Variants in ANKDD1A observed in about 807,000 individuals in gnomAD.
The protein encoded by ANKDD1A is ankyrin repeat and death domain-containing protein 1A.
Under a neutral mutation model 63.5 loss-of-function variants are expected in ANKDD1A, and 59 were observed. The observed-to-expected ratio is 0.93, with a 90% CI of 0.75 to 1.15. ANKDD1A has a LOEUF of 1.15. ANKDD1A is among the 50% of genes most tolerant of loss of function. The pLI, the probability that ANKDD1A is intolerant of heterozygous loss-of-function variation, is 0.00. For synonymous variants in ANKDD1A, 266 were observed against 263.9 expected (o/e 1.01, Z -0.08); for missense variants, 632 against 656.4 (o/e 0.96, Z 0.41).
intron 14 of ANKDD1A, chr15:64,951,029 A>G: frequency 7.9e-7 from 1 of 1,262,626 alleles, no homozygotes; most frequent in Non-Finnish European, 1.0e-6. Flanking sequence ...GAGGGGCCAG[A>G]CCTTCAGGCA....
intron 14 of ANKDD1A, among the ~76,000 whole-genome samples, chr15:64,956,707 C>G (rs2085420098): frequency 2.6e-5 from 4 of 152,210 alleles, no homozygotes; most frequent in Admixed American, 2.6e-4. Flanking sequence ...AAGCACACAC[C>G]ATCATGCCCG....
rs974699056 is a variant in ANKDD1A, at chr15:64,957,816, TAAAAA to T, written c.*631_*635del. 1.3e-5 allele frequency: 2 copies of T among 152,160 alleles called. No individual in the cohort carries two copies. The highest frequency in any genetic ancestry group is 4.8e-5 in the African/African-American group (2 of 41,434). 9.4% of individuals were successfully genotyped at this position (152,160 alleles called of 1,614,324 possible). A position where few individuals can be genotyped will look rare whatever the true frequency, so the allele number is the denominator to read the frequency against. ...ATTTTATTAAAAGAATAATTATAAT[TAAAAA>T]AACACGATACAGATCAGTGCATATA... On this transcript the variant is annotated 3_prime_UTR_variant, in exon 15 of 15. Coordinates refer to ENST00000319580, the MANE Select transcript of ANKDD1A (RefSeq NM_182703.6).
At chr15:64,931,379 A>C in intron 7 of ANKDD1A, 108 bp from the exon 8 acceptor site, 3 of 1,010,752 alleles carry the variant, frequency 3.0e-6, no homozygotes, top group Non-Finnish European at 2.9e-6. Flanking sequence ...TGGAGAGCTC[A>C]AGGGGTCCTG....
intron 4 of ANKDD1A, chr15:64,922,247 A>T (rs2085013072): frequency 1.9e-6 from 1 of 527,828 alleles, no homozygotes. Flanking sequence ...AATCAAAGTA[A>T]CTCCCTCAGA....
intron 14 of ANKDD1A, among the ~76,000 whole-genome samples, chr15:64,953,486 T>A (rs1440587245): frequency 2.0e-4 from 7 of 35,288 alleles, no homozygotes; most frequent in African/African-American, 4.5e-4. Context: ...TTCCTTCTCC[T>A]TCTTCTTTAG....
intron 14 of ANKDD1A, among the ~76,000 whole-genome samples, chr15:64,955,670 T>A (rs1421455294): frequency 6.6e-6 from 1 of 152,114 alleles, no homozygotes; most frequent in Non-Finnish European, 1.5e-5. Flanking sequence ...GGCTGTGGCG[T>A]TTAGGAGCCT....
rs1477411448 is a variant in ANKDD1A at position 64,917,542 on chromosome 15, A to T, written c.267+28A>T. On this transcript the variant is annotated intron_variant, in intron 3 of 14. Coordinates refer to ENST00000319580, the MANE Select transcript of ANKDD1A (RefSeq NM_182703.6). ...ACGTGTCTGTCTGTCTGTCTGTCTC[A>T]GGGTGGTGGGGGGCACTGGAGATCT... 10 of 1,423,630 alleles carry T rather than the reference A, an allele frequency of 7.0e-6. No individual in the cohort carries two copies. The African/African-American group carries it at 1.0e-4, about 15-fold the overall frequency. The allele number at this position is 1,423,630 out of a possible 1,614,324, so 88.2% of individuals were successfully genotyped here.
At chr15:64,929,498 C>G (rs948527531) in intron 6 of ANKDD1A, among the ~76,000 whole-genome samples, 1 of 152,154 alleles carries the variant, frequency 6.6e-6, no homozygotes, top group African/African-American at 2.4e-5. Flanking sequence ...CAACCCCACG[C>G]AGGCTGACCT....
intron 14 of ANKDD1A, chr15:64,950,723 A>AGGGGGGGGGGGGGGGG: frequency 2.2e-6 from 2 of 919,618 alleles, no homozygotes; most frequent in South Asian, 5.5e-5. Context: ...GGGAAAAGAA[A>AGGGGGGGGGGGGGGGG]GGACCGCCCC....
intron 14 of ANKDD1A, among the ~76,000 whole-genome samples, chr15:64,955,682 C>G (rs1207113038): frequency 6.6e-6 from 1 of 152,144 alleles, no homozygotes; most frequent in Non-Finnish European, 1.5e-5. Flanking sequence ...TAGGAGCCTA[C>G]ATTTTAGAAA....
At chr15:64,941,376 C>T (rs78487444) in intron 9 of ANKDD1A, among the ~76,000 whole-genome samples, 2,414 of 152,218 alleles carry the variant, frequency 0.016, 36 homozygotes, top group Non-Finnish European at 0.025. Context: ...GCTCATTGTT[C>T]TGGAGGCTGG....
In ANKDD1A at chr15:64,917,514, T is replaced by C; in HGVS notation, c.267T>C (p.Cys89=). 3.3e-6 allele frequency: 5 copies of C among 1,537,158 alleles called. No homozygotes were observed. The highest frequency in any genetic ancestry group is 4.4e-6 in the Non-Finnish European group (5 of 1,141,754). The change falls in exon 3 of 15, where the codon TGT becomes TGC. Residue 89 remains cysteine, a splice_region_variant and synonymous_variant. Transcript: ENST00000319580. ...AVGALTEARL[C]FGMNALLLSA... is the part of the protein sequence containing the mutation. ...GGGCCCTCACAGAGGCACGTCTGTG[T>C]GTACGTGTCTGTCTGTCTGTCTGTC...
intron 14 of ANKDD1A, among the ~76,000 whole-genome samples, chr15:64,956,216 T>G (rs2085414850): frequency 6.7e-6 from 1 of 149,000 alleles, no homozygotes; most frequent in African/African-American, 2.5e-5. Flanking sequence ...GGTGATGTAT[T>G]TTTTTCTTTG....
At chr15:64,948,743 T>C (rs547891879) in intron 13 of ANKDD1A, among the ~76,000 whole-genome samples, 1 of 152,024 alleles carries the variant, frequency 6.6e-6, no homozygotes, top group South Asian at 2.1e-4. Context: ...TAAGAATCGC[T>C]TGAACCCGGG....
At chr15:64,945,871 A>T (rs2085219298) in intron 12 of ANKDD1A, among the ~76,000 whole-genome samples, 1 of 151,596 alleles carries the variant, frequency 6.6e-6, no homozygotes, top group African/African-American at 2.4e-5. Context: ...TGACCTTGTG[A>T]TCTGCCCACC....
At chr15:64,942,875 G>A (rs899892239) in intron 10 of ANKDD1A, among the ~76,000 whole-genome samples, 1 of 152,000 alleles carries the variant, frequency 6.6e-6, no homozygotes, top group Non-Finnish European at 1.5e-5. Flanking sequence ...CCAGGGCAGG[G>A]GTGACTGAGG....
At chr15:64,950,369 A>T (rs375725297) in intron 14 of ANKDD1A, 7 of 985,328 alleles carry the variant, frequency 7.1e-6, no homozygotes, top group East Asian at 2.3e-4. Context: ...GAGTTGAACC[A>T]GTCAAATCTG....
intron 3 of ANKDD1A, among the ~76,000 whole-genome samples, chr15:64,920,871 C>A (rs537509614): frequency 8.5e-5 from 13 of 152,164 alleles, no homozygotes; most frequent in Admixed American, 7.9e-4. Flanking sequence ...TTTAAACAGT[C>A]CATTCTTAAA....
chr15:64,929,007 G>A (rs764450269), intron 6 of ANKDD1A, among the ~76,000 whole-genome samples: 87 of 152,200 alleles, frequency 5.7e-4, no homozygotes, highest in Non-Finnish European at 1.1e-3. Context: ...TGCTTCCTGC[G>A]TGTCTCTGAA....
Sources: allele counts gnomAD v4.1 joint callset (sites outside exome capture counted in the v4.1 genomes callset), GRCh38; gene constraint gnomAD v4.1.1; transcripts MANE v1.5; gene names NCBI Gene and HGNC (gene_info 2026-07-23, HGNC 2026-07-21).